Variants in OSBPL10 observed in about 807,000 individuals in gnomAD.
OSBPL10 encodes the protein oxysterol-binding protein-related protein 10.
In OSBPL10, 49 loss-of-function variants were observed where a neutral mutation model predicts 81.7. The observed-to-expected ratio is 0.60, with a 90% CI of 0.48 to 0.76. OSBPL10 has a LOEUF of 0.76. OSBPL10 is among the 30% of genes least tolerant of loss of function. The pLI is 0.00. For missense variants in OSBPL10, 923 were observed against 987.8 expected (o/e 0.93, Z 0.88); for synonymous variants, 419 against 383.6 (o/e 1.09, Z -1.08).
chr3:31,663,114 C>CGT, intron 11 of OSBPL10: 1 of 985,390 alleles, frequency 1.0e-6, no homozygotes, highest in Non-Finnish European at 1.2e-6. Flanking sequence ...TTCTCAGCCT[C>CGT]GTATATAGAC....
At chr3:31,933,441 G>A (rs559308367) in intron 1 of OSBPL10, among the ~76,000 whole-genome samples, 3 of 151,260 alleles carry the variant, frequency 2.0e-5, no homozygotes, top group African/African-American at 4.9e-5. Flanking sequence ...GTCTCTTGCT[G>A]TTGCCCAGGC....
Position 31,785,185 on chromosome 3 carries a change from A to G in OSBPL10, c.730-37065T>C, listed in dbSNP as rs966012002. On this transcript the variant is annotated intron_variant, in intron 4 of 11. Transcript: ENST00000396556. ...CAGGCGTGAACCACCGCAGTCTTGA[A>G]CCATATTTTCATTTGATGATATCAG... is the stretch of plus-strand genomic sequence containing the variant. Among the ~76,000 whole-genome samples, 60 of 152,186 alleles carry G rather than the reference A, an allele frequency of 3.9e-4. 1 individual carries two copies. Among genetic ancestry groups the G allele is most frequent in the African/African-American group, 1.4e-3 (58 of 41,448 alleles).
chr3:31,759,146 T>G lies in OSBPL10; in HGVS notation c.730-11026A>C, dbSNP rs372894412. Among the ~76,000 whole-genome samples the G allele has an allele frequency of 4.6e-5, 7 of 152,238 alleles. 2 individuals are homozygous for G. The highest frequency in any genetic ancestry group is 1.9e-4 in the East Asian group (1 of 5,190). ...AACATGTTGGTAACAAGGGGTGCAA[T>G]ATACAAAAGGAATAATCTTTTAAAT... On this transcript the variant is annotated intron_variant, in intron 4 of 11. Coordinates refer to ENST00000396556, the MANE Select transcript of OSBPL10 (RefSeq NM_017784.5).
At chr3:31,854,979 G>A (rs748348411) in intron 3 of OSBPL10, among the ~76,000 whole-genome samples, 2 of 151,794 alleles carry the variant, frequency 1.3e-5, no homozygotes, top group African/African-American at 2.4e-5. Flanking sequence ...CTAGTTTAGG[G>A]TAGGTATCGC....
At chr3:31,681,424 G>A (rs1700638451) in intron 8 of OSBPL10, among the ~76,000 whole-genome samples, 1 of 152,138 alleles carries the variant, frequency 6.6e-6, no homozygotes, top group African/African-American at 2.4e-5. Flanking sequence ...CCTAAATAAG[G>A]AGGAACTGTC....
intron 6 of OSBPL10, among the ~76,000 whole-genome samples, chr3:31,715,975 G>A (rs942487375): frequency 1.8e-4 from 27 of 152,274 alleles, no homozygotes; most frequent in African/African-American, 6.5e-4. Flanking sequence ...TGCAGTTACG[G>A]GCCTGAACTC....
chr3:31,685,408 G>A (rs190845831), intron 7 of OSBPL10, among the ~76,000 whole-genome samples: 8 of 152,214 alleles, frequency 5.3e-5, no homozygotes, highest in Admixed American at 2.6e-4. Context: ...TCACCATGTT[G>A]CCCAGGCTCA....
At chr3:31,876,590 T>A in intron 2 of OSBPL10, 78 bp from the exon 3 acceptor site, 1 of 1,242,716 alleles carries the variant, frequency 8.0e-7, no homozygotes, top group Non-Finnish European at 1.2e-6. Flanking sequence ...TACACCCACC[T>A]AAGGGGGTGG....
intron 7 of OSBPL10, among the ~76,000 whole-genome samples, chr3:31,685,096 G>A (rs1700758111): frequency 1.3e-5 from 2 of 152,166 alleles, no homozygotes; most frequent in African/African-American, 2.4e-5. Flanking sequence ...AGGGTACTCT[G>A]AAACTGGGAA....
intron 7 of OSBPL10, among the ~76,000 whole-genome samples, chr3:31,687,893 AAATAATAAT>A (rs34327662): frequency 2.5e-4 from 36 of 143,864 alleles, no homozygotes; most frequent in South Asian, 4.5e-4. Context: ...CCATCACTAC[AAATAATAAT>A]AATAATAATA....
At chr3:31,943,406 T>G (rs919192282) in intron 1 of OSBPL10, among the ~76,000 whole-genome samples, 4 of 152,190 alleles carry the variant, frequency 2.6e-5, no homozygotes, top group African/African-American at 9.7e-5. Flanking sequence ...TAATACACAG[T>G]ATTTTTTTTA....
chr3:31,900,161 C>A (rs1575606028), intron 1 of OSBPL10, among the ~76,000 whole-genome samples: 1 of 151,714 alleles, frequency 6.6e-6, no homozygotes, highest in South Asian at 2.1e-4. Flanking sequence ...GTAGCTGGGA[C>A]TACAGGCACA....
chr3:31,730,353 G>T (rs1696936418), intron 6 of OSBPL10, among the ~76,000 whole-genome samples: 2 of 149,204 alleles, frequency 1.3e-5, no homozygotes, highest in African/African-American at 5.1e-5. Flanking sequence ...TCCAAAAAAA[G>T]GGGGAAAAAA....
intron 1 of OSBPL10, among the ~76,000 whole-genome samples, chr3:31,896,233 A>G (rs1696053718): frequency 6.6e-6 from 1 of 152,224 alleles, no homozygotes; most frequent in South Asian, 2.1e-4. Flanking sequence ...GGAAAGAGTT[A>G]TTGCATCACT....
chr3:31,697,192 T>A (rs1695747733), intron 7 of OSBPL10, among the ~76,000 whole-genome samples: 1 of 152,204 alleles, frequency 6.6e-6, no homozygotes, highest in African/African-American at 2.4e-5. Flanking sequence ...TGAGCTGCCA[T>A]TTAAGAAGTC....
At chr3:31,753,645 AC>A (rs1697788516) in intron 4 of OSBPL10, among the ~76,000 whole-genome samples, 1 of 152,172 alleles carries the variant, frequency 6.6e-6, no homozygotes, top group Non-Finnish European at 1.5e-5. Context: ...CATTACAGGA[AC>A]TTCCCCAAAT....
intron 1 of OSBPL10, among the ~76,000 whole-genome samples, chr3:32,049,903 C>G (rs1699656792): frequency 6.6e-6 from 1 of 152,176 alleles, no homozygotes; most frequent in Admixed American, 6.5e-5. Context: ...GCCTTCCCCA[C>G]CTCGCTGCAG....
Position 31,661,928 on chromosome 3 carries a change from A to G in OSBPL10, c.*144T>C. ...AGCAGAGTGTGGGGGTGCACTTTTCATAGTATATAATTTCTCTCTCTCTCA... is the reference window on the plus strand; with the variant it reads ...AGCAGAGTGTGGGGGTGCACTTTTCGTAGTATATAATTTCTCTCTCTCTCA... On this transcript the variant is annotated 3_prime_UTR_variant, in exon 12 of 12. Transcript: ENST00000396556. 8.0e-7 allele frequency: 1 copy of G among 1,244,844 alleles called. No individual in the cohort carries two copies. Among genetic ancestry groups the G allele is most frequent in the Non-Finnish European group, 1.1e-6 (1 of 898,892 alleles). 77.1% of individuals were successfully genotyped at this position (1,244,844 alleles called of 1,614,324 possible).
chr3:31,753,252 A>C (rs1697775175), intron 4 of OSBPL10, among the ~76,000 whole-genome samples: 1 of 149,054 alleles, frequency 6.7e-6, no homozygotes, highest in African/African-American at 2.5e-5. Context: ...CAATAGCTTG[A>C]CCTCAGCTCA....
Sources: allele counts gnomAD v4.1 joint callset (sites outside exome capture counted in the v4.1 genomes callset), GRCh38; gene constraint gnomAD v4.1.1; transcripts MANE v1.5; gene names NCBI Gene and HGNC (gene_info 2026-07-23, HGNC 2026-07-21).